The following SLC47A1 variants were observed in gnomAD, a reference collection of about 807,000 sequenced individuals.
The protein encoded by SLC47A1 is solute carrier family 47 member 1, also known as multidrug and toxin extrusion protein 1.
In SLC47A1, 58 loss-of-function variants were observed where a neutral mutation model predicts 65.8. The ratio of observed to expected loss-of-function variants is 0.88; its 90% CI spans 0.71 to 1.10. The LOEUF is 1.10. SLC47A1 is among the 50% of genes least tolerant of loss of function. The pLI, the probability that SLC47A1 is intolerant of heterozygous loss-of-function variation, is 0.00. For missense variants in SLC47A1, 706 were observed against 719.2 expected, an observed-to-expected ratio of 0.98 and a Z score of 0.21; for synonymous variants, 285 against 295.0, an observed-to-expected ratio of 0.97 and a Z score of 0.35.
At chr17:19,569,599 T>C (rs563678227) in intron 14 of SLC47A1, among the ~76,000 whole-genome samples, 2 of 152,358 alleles carry the variant, frequency 1.3e-5, no homozygotes, top group East Asian at 3.9e-4. Context: ...ATCAGAATTC[T>C]GCAGGTTCTC....
At chr17:19,539,906 G>T (rs1916093082) in intron 1 of SLC47A1, among the ~76,000 whole-genome samples, 1 of 152,134 alleles carries the variant, frequency 6.6e-6, no homozygotes, top group Non-Finnish European at 1.5e-5. Context: ...TCTGAGAAGA[G>T]GTTAGTAAAT....
At chr17:19,554,754 GAT>G (rs2152314308) in intron 6 of SLC47A1, among the ~76,000 whole-genome samples, 1 of 152,296 alleles carries the variant, frequency 6.6e-6, no homozygotes, top group South Asian at 2.1e-4. Flanking sequence ...TTGAAAGTTA[GAT>G]ATGTTGGAAT....
rs368040325 is a variant in SLC47A1 at position 19,555,777 on chromosome 17, G to T, written c.740-19G>T. 3.8e-5 allele frequency: 62 copies of T among 1,613,252 alleles called. No individual in the cohort carries two copies. The highest frequency in any genetic ancestry group is 5.0e-5 in the Non-Finnish European group (59 of 1,179,916). ...CCCGATGGCCAGATCTCCTGGAAAT[G>T]TGTGTGTCCCCCCCACAGGCTGGTC... On this transcript the variant is annotated intron_variant, in intron 8 of 16. Transcript: ENST00000270570.
chr17:19,565,708 G>T (rs1255576170), intron 12 of SLC47A1, among the ~76,000 whole-genome samples: 1 of 149,878 alleles, frequency 6.7e-6, no homozygotes, highest in Non-Finnish European at 1.5e-5. Context: ...AGCCTCCCCA[G>T]CAGCTGGGAC....
chr17:19,557,950 T>A, intron 10 of SLC47A1: 1 of 237,162 alleles, frequency 4.2e-6, no homozygotes, highest in South Asian at 4.9e-5. Flanking sequence ...CGATTTTATG[T>A]CTTTTGAATA....
intron 6 of SLC47A1, among the ~76,000 whole-genome samples, chr17:19,554,206 A>C (rs1160560788): frequency 1.3e-5 from 2 of 152,178 alleles, no homozygotes; most frequent in East Asian, 3.9e-4. Context: ...TCATGGTTTG[A>C]TAGGCGCTGA....
chr17:19,555,771 G>A (rs1678949688), intron 8 of SLC47A1, 25 bp from the exon 9 acceptor site: 1 of 1,613,156 alleles, frequency 6.2e-7, no homozygotes, highest in Non-Finnish European at 8.5e-7. Flanking sequence ...CAGATCTCCT[G>A]GAAATGTGTG....
chr17:19,550,308 C>T (rs1916410569), intron 5 of SLC47A1, among the ~76,000 whole-genome samples: 1 of 151,780 alleles, frequency 6.6e-6, no homozygotes, highest in Non-Finnish European at 1.5e-5. Context: ...TTTGTAGAGA[C>T]AGGGTCTTGC....
chr17:19,566,477 G>T lies in SLC47A1; in HGVS notation c.1107-313G>T, dbSNP rs1482140125. Among the ~76,000 whole-genome samples the T allele has an allele frequency of 2.6e-5, 4 of 152,078 alleles. No individual in the cohort carries two copies. In the East Asian group the frequency reaches 7.7e-4, roughly 29 times the overall value. On this transcript the variant is annotated intron_variant, in intron 12 of 16. Transcript: ENST00000270570. Reference sequence around the variant, plus strand: ...GTCTCGCTCTGTCATTCAGGCTGAAGTGCAGTGATGAGATCTCAGCTCACT... The same window carrying T: ...GTCTCGCTCTGTCATTCAGGCTGAATTGCAGTGATGAGATCTCAGCTCACT...
intron 15 of SLC47A1, 94 bp downstream of exon 15, chr17:19,571,666 C>G: frequency 1.1e-6 from 1 of 937,924 alleles, no homozygotes; most frequent in Non-Finnish European, 1.6e-6. Context: ...AAGTTCTTTT[C>G]TCATTTTCTT....
At position 19,577,202 on chromosome 17, in the gene SLC47A1, T is replaced by C. The variant is rs2084447418; in HGVS notation, c.1487-125T>C. The stretch of plus-strand genomic sequence containing the variant: ...GATAAGATTTCTTTTATTTATTCAC[T>C]GTAGCAATAGTGTCCTGAATTAACT... On this transcript the variant is annotated intron_variant, in intron 16 of 16. Transcript: ENST00000270570. 7 of 1,309,260 alleles carry C rather than the reference T, an allele frequency of 5.3e-6. No homozygotes were observed. The South Asian group carries it at 1.1e-4, about 20-fold the overall frequency. The allele number at this position is 1,309,260 out of a possible 1,614,324, so 81.1% of individuals were successfully genotyped here.
At chr17:19,563,035 CAG>C (rs921300747) in intron 12 of SLC47A1, among the ~76,000 whole-genome samples, 2 of 149,236 alleles carry the variant, frequency 1.3e-5, no homozygotes, top group East Asian at 4.0e-4. Context: ...GTGGAATAAA[CAG>C]ATAATTTTCT....
chr17:19,554,036 A>G (rs1346942345), intron 6 of SLC47A1, among the ~76,000 whole-genome samples: 1 of 152,188 alleles, frequency 6.6e-6, no homozygotes, highest in African/African-American at 2.4e-5. Flanking sequence ...TCAGCCTGAG[A>G]CCACCAGAGA....
At chr17:19,564,379 G>C (rs913443068) in intron 12 of SLC47A1, 1 of 152,068 alleles carries the variant, frequency 6.6e-6, no homozygotes, top group East Asian at 1.9e-4. Context: ...ATCTCAGGTG[G>C]AAAAAGCAAG....
At chr17:19,537,667 G>T (rs1916028660) in intron 1 of SLC47A1, among the ~76,000 whole-genome samples, 1 of 152,152 alleles carries the variant, frequency 6.6e-6, no homozygotes, top group Non-Finnish European at 1.5e-5. Flanking sequence ...TCGTATCTCC[G>T]CTCTCATGCT....
At chr17:19,572,539 C>G (rs1355538529) in intron 15 of SLC47A1, among the ~76,000 whole-genome samples, 4 of 152,004 alleles carry the variant, frequency 2.6e-5, no homozygotes, top group Non-Finnish European at 5.9e-5. Context: ...GCAGGCTGGC[C>G]TTGAATTCCT....
In SLC47A1 at chr17:19,569,555, A is replaced by T. The variant is rs561432831; in HGVS notation, c.1310-1923A>T. 1.3e-3 allele frequency among the ~76,000 whole-genome samples: 196 copies of T among 152,282 alleles called. 1 individual carries two copies. Among genetic ancestry groups the T allele is most frequent in the African/African-American group, 4.4e-3 (184 of 41,552 alleles). ...TGAGTATTGTGTCTCCTGGTATGGTATGCAGTATACCTATACAAGGTGTCT... is the reference window on the plus strand; with the variant it reads ...TGAGTATTGTGTCTCCTGGTATGGTTTGCAGTATACCTATACAAGGTGTCT... On this transcript the variant is annotated intron_variant, in intron 14 of 16. Coordinates refer to ENST00000270570, the MANE Select transcript of SLC47A1 (RefSeq NM_018242.3).
chr17:19,549,205 G>GT (rs576800978), intron 4 of SLC47A1, among the ~76,000 whole-genome samples: 115 of 145,552 alleles, frequency 7.9e-4, no homozygotes, highest in Admixed American at 9.6e-4. Context: ...CCGCAGTTTT[G>GT]TTTTTTTTTT....
intron 4 of SLC47A1, among the ~76,000 whole-genome samples, chr17:19,548,928 C>T (rs1319607224): frequency 6.6e-6 from 1 of 152,116 alleles, no homozygotes; most frequent in African/African-American, 2.4e-5. Context: ...TCTAGACCAG[C>T]GGCTCTGAAC....
Sources: allele counts gnomAD v4.1 joint callset (sites outside exome capture counted in the v4.1 genomes callset), GRCh38; gene constraint gnomAD v4.1.1; transcripts MANE v1.5; gene names NCBI Gene and HGNC (gene_info 2026-07-23, HGNC 2026-07-21).